DCC: variants seen among roughly 807,000 people sequenced by gnomAD.
DCC encodes DCC netrin 1 receptor.
In DCC, 58 loss-of-function variants were observed where a neutral mutation model predicts 172.5. That is an observed-to-expected ratio of 0.34 (90% CI 0.27 to 0.42). DCC has a LOEUF of 0.42. Among genes scored for constraint, DCC ranks in the 10% least tolerant of loss-of-function variants. The probability of loss-of-function intolerance (pLI) is 1.00; values close to 1 mark genes in which losing one functional copy is unlikely to be tolerated. For synonymous variants in DCC, 709 were observed against 644.5 expected, an observed-to-expected ratio of 1.10 and a Z score of -1.52; for missense variants, 1,740 against 1,791.0, an observed-to-expected ratio of 0.97 and a Z score of 0.51.
chr18:53,084,997 A>C (rs1215573663), intron 7 of DCC, among the ~76,000 whole-genome samples: 1 of 152,212 alleles, frequency 6.6e-6, no homozygotes, highest in African/African-American at 2.4e-5. Flanking sequence ...GAATTTTGGA[A>C]CTATGAAAAT....
At chr18:52,690,479 C>CA (rs1161692430) in intron 1 of DCC, among the ~76,000 whole-genome samples, 4 of 151,988 alleles carry the variant, frequency 2.6e-5, no homozygotes, top group African/African-American at 9.7e-5. Flanking sequence ...AGGATATTGA[C>CA]AAAATTACAG....
intron 9 of DCC, among the ~76,000 whole-genome samples, chr18:53,186,087 T>C (rs2055278502): frequency 6.6e-6 from 1 of 152,220 alleles, no homozygotes; most frequent in African/African-American, 2.4e-5. Context: ...TTCTGCTGGC[T>C]CTCTTATTTT....
intron 7 of DCC, among the ~76,000 whole-genome samples, chr18:53,077,411 G>A (rs2042738596): frequency 6.6e-6 from 1 of 151,878 alleles, no homozygotes; most frequent in Non-Finnish European, 1.5e-5. Flanking sequence ...GGTCATAAGT[G>A]TGAGTTAAAG....
chr18:53,131,196 G>A (rs937023219), intron 7 of DCC, among the ~76,000 whole-genome samples: 7 of 151,980 alleles, frequency 4.6e-5, no homozygotes, highest in African/African-American at 7.2e-5. Flanking sequence ...TAAATGAACT[G>A]CAATATCAGC....
At chr18:52,972,814 C>A (rs1457640603) in intron 5 of DCC, among the ~76,000 whole-genome samples, 1 of 152,146 alleles carries the variant, frequency 6.6e-6, no homozygotes, top group Non-Finnish European at 1.5e-5. Flanking sequence ...TGGTGCTTAG[C>A]ATTTAGCTTT....
intron 1 of DCC, among the ~76,000 whole-genome samples, chr18:52,342,145 C>T (rs1983667434): frequency 6.6e-6 from 1 of 152,170 alleles, no homozygotes. Context: ...CAGTCAAGCG[C>T]CAAGGCAGCC....
At chr18:53,310,897 C>T (rs1208136505) in intron 13 of DCC, among the ~76,000 whole-genome samples, 2 of 151,662 alleles carry the variant, frequency 1.3e-5, no homozygotes, top group Non-Finnish European at 2.9e-5. Flanking sequence ...CAGAGATAAT[C>T]AACTTTCAAC....
At chr18:52,899,938 G>A (rs1018231350) in intron 2 of DCC, among the ~76,000 whole-genome samples, 7 of 152,170 alleles carry the variant, frequency 4.6e-5, no homozygotes, top group African/African-American at 1.7e-4. Flanking sequence ...TGATGGCCAA[G>A]TATTTGCCAT....
intron 9 of DCC, among the ~76,000 whole-genome samples, chr18:53,194,902 TAAG>T (rs2055421413): frequency 6.6e-6 from 1 of 152,266 alleles, no homozygotes; most frequent in Non-Finnish European, 1.5e-5. Flanking sequence ...TACTGACAGT[TAAG>T]AAGATTAAAT....
At position 52,369,502 on chromosome 18, in the gene DCC, C is replaced by T. The variant is rs1037471337; in HGVS notation, c.91+28624C>T. ...GCCGATGGAAGAGTGGGTGAATAAT[C>T]GAAGAAGGCAGCCCCGGGGATCATG... On this transcript the variant is annotated intron_variant, in intron 1 of 28. Coordinates refer to ENST00000442544, the MANE Select transcript of DCC (RefSeq NM_005215.4). Among the ~76,000 whole-genome samples, 6 of 151,912 alleles carry T rather than the reference C, an allele frequency of 3.9e-5. 1 individual carries two copies. The East Asian group carries it at 5.8e-4, about 15-fold the overall frequency.
At chr18:52,414,155 A>G (rs1017792906) in intron 1 of DCC, among the ~76,000 whole-genome samples, 2 of 152,188 alleles carry the variant, frequency 1.3e-5, no homozygotes, top group South Asian at 2.1e-4. Flanking sequence ...ATCTCAGCTC[A>G]CTGCAACCTC....
At chr18:53,008,258 G>A (rs2041674826) in intron 5 of DCC, among the ~76,000 whole-genome samples, 1 of 152,028 alleles carries the variant, frequency 6.6e-6, no homozygotes, top group Non-Finnish European at 1.5e-5. Context: ...ACTTTGCTCA[G>A]TTATTTCGCG....
At chr18:52,886,217 G>T (rs972167097) in intron 2 of DCC, among the ~76,000 whole-genome samples, 1 of 152,060 alleles carries the variant, frequency 6.6e-6, no homozygotes, top group Non-Finnish European at 1.5e-5. Flanking sequence ...CCCAGCCCAG[G>T]ACTAGGAATT....
Position 52,588,001 on chromosome 18 carries a change from T to C in DCC, c.92-164053T>C, listed in dbSNP as rs867875119. 7.9e-5 allele frequency among the ~76,000 whole-genome samples: 12 copies of C among 152,226 alleles called. 1 individual carries two copies. The highest frequency in any genetic ancestry group is 3.3e-4 in the Admixed American group (5 of 15,284). On this transcript the variant is annotated intron_variant, in intron 1 of 28. Transcript: ENST00000442544. ...ACATCCATTTGTGATGGAATGCTGC[T>C]GTGCATGACCCACTTTATGGCTAGA...
intron 3 of DCC, among the ~76,000 whole-genome samples, chr18:52,915,820 A>G (rs551332235): frequency 6.6e-6 from 1 of 152,220 alleles, no homozygotes; most frequent in East Asian, 1.9e-4. Context: ...AGAGATACAA[A>G]ACCATTTCTA....
rs78079440 is a variant in DCC, at chr18:53,207,413, C to T, written c.1723-266C>T. On this transcript the variant is annotated intron_variant, in intron 10 of 28. Transcript: ENST00000442544. Reference sequence around the variant, plus strand: ...AGGGTTTAGGTGTGGGTAGAATAACCCAAACCATTCAGTACATTGAGTAGT... The same window carrying T: ...AGGGTTTAGGTGTGGGTAGAATAACTCAAACCATTCAGTACATTGAGTAGT... Among the ~76,000 whole-genome samples, 288 of 152,242 alleles carry T rather than the reference C, an allele frequency of 1.9e-3. 1 individual carries two copies. The highest frequency in any genetic ancestry group is 2.8e-3 in the Non-Finnish European group (192 of 68,020).
chr18:53,112,391 C>T lies in DCC; in HGVS notation c.1262-44965C>T, dbSNP rs566326354. On this transcript the variant is annotated intron_variant, in intron 7 of 28. Transcript: ENST00000442544. The stretch of plus-strand genomic sequence containing the variant: ...TCACAACACTATCATGAGAAAGGTT[C>T]TATTGTACAGTTGACACAAATAAAT... 2.0e-5 allele frequency among the ~76,000 whole-genome samples: 3 copies of T among 151,542 alleles called. No individual in the cohort carries two copies. The East Asian group carries it at 5.9e-4, about 30-fold the overall frequency.
At chr18:52,761,801 C>T (rs1342479785) in intron 2 of DCC, among the ~76,000 whole-genome samples, 3 of 150,020 alleles carry the variant, frequency 2.0e-5, no homozygotes, top group Non-Finnish European at 1.5e-5. Flanking sequence ...CTCAGCTACT[C>T]GAGAGGCTGA....
chr18:52,346,886 T>C (rs1983902086), intron 1 of DCC, among the ~76,000 whole-genome samples: 1 of 152,220 alleles, frequency 6.6e-6, no homozygotes, highest in South Asian at 2.1e-4. Flanking sequence ...CTAATCCAAA[T>C]TTTTTGACTT....
Sources: gnomAD v4.1 joint callset for allele counts (sites outside exome capture counted in the v4.1 genomes callset) on GRCh38, gnomAD v4.1.1 for gene constraint, MANE v1.5 for transcripts, NCBI Gene and HGNC (gene_info 2026-07-23, HGNC 2026-07-21) for gene names.